The following ANO6 variants were observed in gnomAD, a reference collection of about 807,000 sequenced individuals.
The protein encoded by ANO6 is anoctamin 6.
ANO6 carries 106 observed loss-of-function variants against 117.5 expected under a neutral mutation model. That is an observed-to-expected ratio of 0.90 (90% CI 0.77 to 1.06). The LOEUF (loss-of-function observed/expected upper bound fraction) is 1.06. Among genes scored for constraint, ANO6 ranks in the 50% least tolerant of loss-of-function variants. The pLI is 0.00. For synonymous variants in ANO6, 367 were observed against 385.1 expected, an observed-to-expected ratio of 0.95 and a Z score of 0.55; for missense variants, 955 against 1,121.1, an observed-to-expected ratio of 0.85 and a Z score of 2.12.
intron 17 of ANO6, among the ~76,000 whole-genome samples, chr12:45,418,453 A>G (rs1159290826): frequency 2.6e-5 from 4 of 152,252 alleles, no homozygotes; most frequent in Non-Finnish European, 5.9e-5. Flanking sequence ...TTCCTCAGTC[A>G]TAAAACAATG....
At chr12:45,259,927 T>C (rs1335470520) in intron 1 of ANO6, among the ~76,000 whole-genome samples, 1 of 152,230 alleles carries the variant, frequency 6.6e-6, no homozygotes, top group Non-Finnish European at 1.5e-5. Context: ...GGTCAGCTCA[T>C]TCATTCCTCC....
rs539367468 is a variant in ANO6 at position 45,315,202 on chromosome 12, T to G, written c.150+13109T>G. On this transcript the variant is annotated intron_variant, in intron 2 of 19. Coordinates refer to ENST00000320560, the MANE Select transcript of ANO6 (RefSeq NM_001025356.3). ...GTATGGAGACAACTTGTGATGCAGC[T>G]ATTGAGGCCAAAGAACTGAATTTTT... Among the ~76,000 whole-genome samples, 5 of 152,238 alleles carry G rather than the reference T, an allele frequency of 3.3e-5. No homozygotes were observed. In the South Asian group the frequency reaches 1.0e-3, roughly 32 times the overall value.
At chr12:45,347,629 T>C (rs2162322) in intron 4 of ANO6, 16,828 of 210,648 alleles carry the variant, frequency 0.08, 1,053 homozygotes, top group East Asian at 0.33. Context: ...TAATATGATA[T>C]TGAACAGATA....
At chr12:45,300,285 A>G (rs1421169364) in intron 1 of ANO6, among the ~76,000 whole-genome samples, 4 of 152,096 alleles carry the variant, frequency 2.6e-5, no homozygotes, top group East Asian at 1.9e-4. Context: ...GGCTCAAGCA[A>G]TCTTTCCACC....
At chr12:45,412,640 C>G (rs1943115280) in intron 16 of ANO6, among the ~76,000 whole-genome samples, 1 of 152,198 alleles carries the variant, frequency 6.6e-6, no homozygotes, top group Non-Finnish European at 1.5e-5. Flanking sequence ...GCAGGATGAG[C>G]TTTCCAAAAG....
At chr12:45,217,743 G>A (rs1221403979) in intron 1 of ANO6, among the ~76,000 whole-genome samples, 1 of 152,152 alleles carries the variant, frequency 6.6e-6, no homozygotes, top group Non-Finnish European at 1.5e-5. Context: ...TGTTACTACT[G>A]TTTAGCAAGA....
chr12:45,429,306 GAAT>G lies in ANO6; in HGVS notation c.2731_2733del (p.Ter911delextTer21). 6.2e-7 allele frequency: 1 copy of G among 1,613,212 alleles called. No homozygotes were observed. The highest frequency in any genetic ancestry group is 8.5e-7 in the Non-Finnish European group (1 of 1,179,636). ...AGATAACAATTTACGGCCAAAATCAGAATAAGAGCTTTATGTTCTGAGAAGCAC... is the reference window on the plus strand; with the variant it reads ...AGATAACAATTTACGGCCAAAATCAGAAGAGCTTTATGTTCTGAGAAGCAC... On this transcript the variant is annotated stop_lost and inframe_deletion, in exon 20 of 20. Coordinates refer to ENST00000320560, the MANE Select transcript of ANO6 (RefSeq NM_001025356.3).
chr12:45,254,452 C>CA (rs996471054), intron 1 of ANO6, among the ~76,000 whole-genome samples: 1 of 152,184 alleles, frequency 6.6e-6, no homozygotes, highest in African/African-American at 2.4e-5. Flanking sequence ...AGAACAGAAA[C>CA]AAAGTCCTGT....
At chr12:45,216,506 G>GC (rs2137109592) in intron 1 of ANO6, 115 bp downstream of exon 1, 1 of 1,199,252 alleles carries the variant, frequency 8.3e-7, no homozygotes, top group African/African-American at 1.5e-5. Context: ...GAGACGCTCG[G>GC]CCGCTCCGGG....
intron 19 of ANO6, among the ~76,000 whole-genome samples, chr12:45,425,456 C>T (rs1375861276): frequency 6.6e-6 from 1 of 152,172 alleles, no homozygotes; most frequent in Non-Finnish European, 1.5e-5. Context: ...GAAAATGCGG[C>T]ACACCAAAAA....
intron 3 of ANO6, among the ~76,000 whole-genome samples, 192 bp downstream of exon 3, chr12:45,331,615 T>G (rs994936280): frequency 1.3e-5 from 2 of 152,124 alleles, no homozygotes; most frequent in Non-Finnish European, 2.9e-5. Context: ...AGAAACTTCC[T>G]CAGGCTCTTA....
chr12:45,350,724 A>G lies in ANO6; in HGVS notation c.813A>G (p.Glu271=). The change falls in exon 7 of 20, where the codon GAA becomes GAG. Residue 271 remains glutamate, a synonymous_variant. Coordinates refer to ENST00000320560, the MANE Select transcript of ANO6 (RefSeq NM_001025356.3). ...CPNERYLLYR[E]WAHPRSIYKK... is the part of the protein sequence containing the mutation. The stretch of plus-strand genomic sequence containing the variant: ...ATGAACGGTACCTTCTGTACAGAGA[A>G]TGGGCTCATCCTCGAAGCATATACA... 4 of 1,613,806 alleles carry G rather than the reference A, an allele frequency of 2.5e-6. No homozygotes were observed. The highest frequency in any genetic ancestry group is 2.2e-5 in the South Asian group (2 of 91,070).
intron 1 of ANO6, among the ~76,000 whole-genome samples, chr12:45,273,239 G>C (rs1454806937): frequency 6.6e-6 from 1 of 152,162 alleles, no homozygotes; most frequent in Non-Finnish European, 1.5e-5. Flanking sequence ...TGGTGATGGA[G>C]TGTGTTAATT....
intron 1 of ANO6, among the ~76,000 whole-genome samples, chr12:45,264,230 G>A (rs557501316): frequency 6.6e-6 from 1 of 152,274 alleles, no homozygotes; most frequent in South Asian, 2.1e-4. Flanking sequence ...TCCTGATTTT[G>A]TGCTCTGCTC....
At chr12:45,386,357 A>G (rs1160012713) in intron 10 of ANO6, among the ~76,000 whole-genome samples, 1 of 152,202 alleles carries the variant, frequency 6.6e-6, no homozygotes, top group African/African-American at 2.4e-5. Flanking sequence ...GTCCACATAC[A>G]TTGCATCTGA....
intron 8 of ANO6, among the ~76,000 whole-genome samples, chr12:45,363,976 A>G (rs1031356420): frequency 8.5e-5 from 13 of 152,230 alleles, no homozygotes; most frequent in Admixed American, 8.5e-4. Flanking sequence ...ACAGACTAAT[A>G]TAGCAGGTCT....
chr12:45,274,520 A>G (rs1401603448), intron 1 of ANO6, among the ~76,000 whole-genome samples: 1 of 151,914 alleles, frequency 6.6e-6, no homozygotes, highest in African/African-American at 2.4e-5. Flanking sequence ...CCAGGCCACT[A>G]CTAAGTTTTG....
intron 8 of ANO6, among the ~76,000 whole-genome samples, chr12:45,361,465 C>T (rs983673012): frequency 6.6e-5 from 10 of 152,190 alleles, no homozygotes; most frequent in South Asian, 4.2e-4. Context: ...TTTTTATATA[C>T]GATGTCATAC....
intron 1 of ANO6, among the ~76,000 whole-genome samples, chr12:45,275,200 TTTTA>T (rs1938515465): frequency 6.6e-6 from 1 of 152,014 alleles, no homozygotes; most frequent in East Asian, 1.9e-4. Context: ...CTCTGTCTCC[TTTTA>T]TTTATTTTTT....
Sources: allele counts gnomAD v4.1 joint callset (sites outside exome capture counted in the v4.1 genomes callset), GRCh38; gene constraint gnomAD v4.1.1; transcripts MANE v1.5; gene names NCBI Gene and HGNC (gene_info 2026-07-23, HGNC 2026-07-21).